Variants in TGFBR3 observed in about 807,000 individuals in gnomAD.
TGFBR3 encodes the protein transforming growth factor beta receptor 3, also known as transforming growth factor beta receptor type 3.
A neutral mutation model predicts 87.9 loss-of-function variants in TGFBR3; 46 were observed. The ratio of observed to expected loss-of-function variants is 0.52; its 90% CI spans 0.41 to 0.67. TGFBR3 has a LOEUF of 0.67. Ranked by LOEUF, TGFBR3 falls within the 30% of genes least tolerant of loss-of-function variation. TGFBR3 has a pLI of 0.00. For missense variants in TGFBR3, 866 were observed against 1,041.9 expected (o/e 0.83, Z 2.32); for synonymous variants, 381 against 391.6 (o/e 0.97, Z 0.32).
intron 1 of TGFBR3, chr1:91,863,833 C>G (rs1252405797): frequency 2.0e-5 from 3 of 152,084 alleles, no homozygotes; most frequent in African/African-American, 7.2e-5. Context: ...ACTTATTATC[C>G]CTCTAAGTCG....
chr1:91,878,891 T>C (rs1227998015), intron 1 of TGFBR3, among the ~76,000 whole-genome samples: 2 of 152,230 alleles, frequency 1.3e-5, no homozygotes, highest in Admixed American at 6.5e-5. Flanking sequence ...CCAGAAAGTA[T>C]ACGCTTCTTT....
Position 91,814,210 on chromosome 1 carries a change from C to CATATGTATATGT in TGFBR3, c.62-16751_62-16740dup, listed in dbSNP as rs142276368. ...CAAATCATTATTATGTAAGGAAAGG[C>CATATGTATATGT]ATATGTATATGTATATGTATGTATA... On this transcript the variant is annotated intron_variant, in intron 2 of 16. Transcript: ENST00000212355. Among the ~76,000 whole-genome samples, 40 of 151,794 alleles carry CATATGTATATGT rather than the reference C, an allele frequency of 2.6e-4. No individual in the cohort carries two copies. In the South Asian group the frequency reaches 2.7e-3, roughly 10 times the overall value.
chr1:91,824,449 C>G (rs1237059972), intron 2 of TGFBR3, among the ~76,000 whole-genome samples: 1 of 152,122 alleles, frequency 6.6e-6, no homozygotes, highest in African/African-American at 2.4e-5. Flanking sequence ...GCCAGAGAGA[C>G]AGACAGCCGA....
chr1:91,762,566 A>G (rs1009559662), intron 3 of TGFBR3, among the ~76,000 whole-genome samples: 1 of 152,346 alleles, frequency 6.6e-6, no homozygotes, highest in Non-Finnish European at 1.5e-5. Flanking sequence ...AAACTGGTCC[A>G]TGAAGCCTAA....
upstream of TGFBR3, among the ~76,000 whole-genome samples, chr1:91,888,347 C>A (rs755783907): frequency 2.0e-5 from 3 of 152,178 alleles, no homozygotes; most frequent in Non-Finnish European, 4.4e-5. Context: ...GCCTTGTTAA[C>A]AAGTTTTAGT....
intron 4 of TGFBR3, among the ~76,000 whole-genome samples, chr1:91,735,240 G>A (rs1309331085): frequency 6.6e-6 from 1 of 152,160 alleles, no homozygotes; most frequent in Non-Finnish European, 1.5e-5. Flanking sequence ...AATTATCACT[G>A]CTATTTCCAA....
At chr1:91,794,268 A>G (rs553366921) in intron 3 of TGFBR3, among the ~76,000 whole-genome samples, 1 of 152,114 alleles carries the variant, frequency 6.6e-6, no homozygotes, top group African/African-American at 2.4e-5. Context: ...CAGCAGCGCA[A>G]TCTTGGCTCA....
chr1:91,804,861 C>T (rs17886768), intron 2 of TGFBR3, among the ~76,000 whole-genome samples: 208 of 152,306 alleles, frequency 1.4e-3, no homozygotes, highest in African/African-American at 5.0e-3. Flanking sequence ...CAATCTCTTC[C>T]CTGCAGTCAA....
At chr1:91,720,853 A>T (rs1275600301) in intron 8 of TGFBR3, among the ~76,000 whole-genome samples, 1 of 152,214 alleles carries the variant, frequency 6.6e-6, no homozygotes, top group Non-Finnish European at 1.5e-5. Context: ...AAATTACTTC[A>T]CCACCTTCTT....
At chr1:91,873,113 G>A (rs776094824) in intron 1 of TGFBR3, among the ~76,000 whole-genome samples, 9 of 151,840 alleles carry the variant, frequency 5.9e-5, no homozygotes, top group Non-Finnish European at 1.2e-4. Flanking sequence ...GACTACAGGT[G>A]TGCCCCACCA....
At chr1:91,857,677 G>C (rs894480170) in intron 2 of TGFBR3, among the ~76,000 whole-genome samples, 1 of 152,084 alleles carries the variant, frequency 6.6e-6, no homozygotes, top group Non-Finnish European at 1.5e-5. Flanking sequence ...AGTGGCTCAC[G>C]CCTTTAATCC....
intron 2 of TGFBR3, among the ~76,000 whole-genome samples, chr1:91,818,194 C>T (rs1481772872): frequency 6.6e-6 from 1 of 150,836 alleles, no homozygotes; most frequent in African/African-American, 2.4e-5. Context: ...GTTCCTACAG[C>T]ACCAGCTGTT....
At chr1:91,866,240 G>A (rs1274787779) in intron 1 of TGFBR3, among the ~76,000 whole-genome samples, 7 of 152,214 alleles carry the variant, frequency 4.6e-5, no homozygotes, top group African/African-American at 1.7e-4. Flanking sequence ...CAAAATGGAT[G>A]TCTGGCAATA....
At position 91,784,839 on chromosome 1, in the gene TGFBR3, C is replaced by T. The variant is rs1018214842; in HGVS notation, c.246+12448G>A. Among the ~76,000 whole-genome samples, 9 of 152,208 alleles carry T rather than the reference C, an allele frequency of 5.9e-5. No homozygotes were observed. The South Asian group carries it at 8.3e-4, about 14-fold the overall frequency. ...CCACAGGATTAAGTCCAAATCCTTA[C>T]GTGGCCTTTCCAGTCTCATCTTCCA... On this transcript the variant is annotated intron_variant, in intron 3 of 16. Coordinates refer to ENST00000212355, the MANE Select transcript of TGFBR3 (RefSeq NM_003243.5).
At chr1:91,837,987 G>A (rs1386628003) in intron 2 of TGFBR3, among the ~76,000 whole-genome samples, 1 of 152,148 alleles carries the variant, frequency 6.6e-6, no homozygotes, top group Non-Finnish European at 1.5e-5. Flanking sequence ...CAATGATAGT[G>A]ATTTGAAATC....
At chr1:91,810,031 C>T (rs1675975385) in intron 2 of TGFBR3, among the ~76,000 whole-genome samples, 1 of 152,110 alleles carries the variant, frequency 6.6e-6, no homozygotes, top group Non-Finnish European at 1.5e-5. Context: ...GTGCTCGGCT[C>T]AGTTGCTGTG....
At chr1:91,839,453 C>G (rs1158138037) in intron 2 of TGFBR3, among the ~76,000 whole-genome samples, 1 of 152,130 alleles carries the variant, frequency 6.6e-6, no homozygotes, top group Non-Finnish European at 1.5e-5. Context: ...TGCGTAATTT[C>G]AAAGTGAAAA....
chr1:91,722,055 C>T lies in TGFBR3; in HGVS notation c.975G>A (p.Gly325=). 6.2e-7 allele frequency: 1 copy of T among 1,613,934 alleles called. No homozygotes were observed. The highest frequency in any genetic ancestry group is 8.5e-7 in the Non-Finnish European group (1 of 1,179,920). Residue 325 remains glycine (G), a synonymous_variant, in exon 8 of 17, where the codon GGG becomes GGA. Transcript: ENST00000212355. ...SIRDDIPSTQ[G]NLVKWALDNG... is the part of the protein sequence containing the mutation. The stretch of plus-strand genomic sequence containing the variant: ...TGTCCAAAGCCCACTTCACCAGATT[C>T]CCTTGGGTTGAAGGAATGTCATCTC...
chr1:91,719,395 G>A lies in TGFBR3; in HGVS notation c.1483C>T (p.His495Tyr), dbSNP rs745672291. Residue 495 changes from histidine to tyrosine, a missense_variant, in exon 10 of 17, where the codon CAC becomes TAC. Physicochemically the swap from His to Tyr is moderately conservative, Grantham distance 83. Transcript: ENST00000212355. ...TTCAGAGGAGACTCCAAAACAAAGTGTGTGCCATTCATCTTGGCCTTGCAG... is the reference window on the plus strand; with the variant it reads ...TTCAGAGGAGACTCCAAAACAAAGTATGTGCCATTCATCTTGGCCTTGCAG... ...PTCKAKMNGT[H>Y]FVLESPLNGC... 7 of 1,614,162 alleles carry A rather than the reference G, an allele frequency of 4.3e-6. No homozygotes were observed. The highest frequency in any genetic ancestry group is 5.9e-6 in the Non-Finnish European group (7 of 1,180,030).
Sources: gnomAD v4.1 joint callset for allele counts (sites outside exome capture counted in the v4.1 genomes callset) on GRCh38, gnomAD v4.1.1 for gene constraint, MANE v1.5 for transcripts, NCBI Gene and HGNC (gene_info 2026-07-23, HGNC 2026-07-21) for gene names.